DPP10: variants seen among roughly 807,000 people sequenced by gnomAD.
DPP10 encodes dipeptidyl peptidase like 10, also known as inactive dipeptidyl peptidase 10.
DPP10 carries 33 observed loss-of-function variants against 120.9 expected under a neutral mutation model. The ratio of observed to expected loss-of-function variants is 0.27; its 90% CI spans 0.21 to 0.37. DPP10 has a LOEUF of 0.37. DPP10 is among the 10% of genes least tolerant of loss of function. DPP10 has a pLI of 1.00. For missense variants in DPP10, 816 were observed against 942.8 expected, an observed-to-expected ratio of 0.87 and a Z score of 1.76; for synonymous variants, 337 against 326.1, an observed-to-expected ratio of 1.03 and a Z score of -0.36.
At chr2:115,251,799 G>T (rs959834328) in intron 1 of DPP10, among the ~76,000 whole-genome samples, 2 of 152,124 alleles carry the variant, frequency 1.3e-5, no homozygotes, top group Non-Finnish European at 2.9e-5. Context: ...CCTTCAGAGT[G>T]GTTACAATGT....
At chr2:114,882,510 G>A (rs990449318) in intron 1 of DPP10, among the ~76,000 whole-genome samples, 1 of 147,974 alleles carries the variant, frequency 6.8e-6, no homozygotes, top group African/African-American at 2.5e-5. Context: ...TATGGAAGAA[G>A]AAGAAAGGTG....
At chr2:115,184,211 G>T (rs1266617345) in intron 1 of DPP10, among the ~76,000 whole-genome samples, 1 of 152,120 alleles carries the variant, frequency 6.6e-6, no homozygotes, top group Non-Finnish European at 1.5e-5. Context: ...AAAACAGTTA[G>T]TATTTTAAAC....
intron 1 of DPP10, among the ~76,000 whole-genome samples, chr2:114,587,976 A>T (rs1247639769): frequency 6.6e-6 from 1 of 152,252 alleles, no homozygotes; most frequent in African/African-American, 2.4e-5. Context: ...ATGAAGCAAC[A>T]TTTACTGCAA....
chr2:114,899,079 C>A (rs1395432486), intron 1 of DPP10, among the ~76,000 whole-genome samples: 1 of 150,548 alleles, frequency 6.6e-6, no homozygotes, highest in Admixed American at 6.6e-5. Flanking sequence ...TTTTTTCTTT[C>A]CAAGTATCTG....
At chr2:114,829,886 G>A (rs563713579) in intron 1 of DPP10, among the ~76,000 whole-genome samples, 1 of 151,968 alleles carries the variant, frequency 6.6e-6, no homozygotes, top group African/African-American at 2.4e-5. Flanking sequence ...AACCCGTGTC[G>A]TCTCTTTTTC....
At chr2:115,513,944 G>A (rs72826445) in intron 4 of DPP10, among the ~76,000 whole-genome samples, 576 of 152,012 alleles carry the variant, frequency 3.8e-3, no homozygotes, top group Non-Finnish European at 5.7e-3. Flanking sequence ...TCCTTAGAGC[G>A]GGGCTAAAAG....
At chr2:115,455,951 G>A (rs180947751) in intron 3 of DPP10, among the ~76,000 whole-genome samples, 33 of 152,074 alleles carry the variant, frequency 2.2e-4, no homozygotes, top group African/African-American at 7.2e-4. Context: ...GGCAACAAAA[G>A]CCACAATTGA....
intron 1 of DPP10, among the ~76,000 whole-genome samples, chr2:115,187,019 CTTTTTTTTTTTTT>C (rs147014349): frequency 1.4e-3 from 91 of 63,172 alleles, no homozygotes; most frequent in African/African-American, 1.8e-3. Flanking sequence ...TGCAAAGATT[CTTTTTTTTTTTTT>C]TTTTTTTTTT....
chr2:115,303,970 T>C (rs2061254951), intron 1 of DPP10, among the ~76,000 whole-genome samples: 1 of 152,084 alleles, frequency 6.6e-6, no homozygotes, highest in Non-Finnish European at 1.5e-5. Flanking sequence ...TCTTAAATGC[T>C]GTTTCTTTAA....
chr2:114,696,338 A>T (rs1410421788), intron 1 of DPP10, among the ~76,000 whole-genome samples: 2 of 152,090 alleles, frequency 1.3e-5, no homozygotes, highest in Non-Finnish European at 2.9e-5. Context: ...GGAAAATCTT[A>T]TACAAGTTTA....
intron 3 of DPP10, among the ~76,000 whole-genome samples, chr2:115,362,764 T>C (rs2064862634): frequency 6.6e-6 from 1 of 152,238 alleles, no homozygotes. Context: ...AGGAAACCAG[T>C]TGATACATTG....
At chr2:115,588,072 A>G (rs1265936639) in intron 5 of DPP10, among the ~76,000 whole-genome samples, 3 of 152,202 alleles carry the variant, frequency 2.0e-5, no homozygotes, top group Admixed American at 6.5e-5. Flanking sequence ...GACCTTTTCC[A>G]TAATGCTTTT....
chr2:115,006,008 C>G (rs1243118086), intron 1 of DPP10, among the ~76,000 whole-genome samples: 1 of 152,104 alleles, frequency 6.6e-6, no homozygotes, highest in Non-Finnish European at 1.5e-5. Context: ...ATCAGACTAA[C>G]AGTGGATCTC....
intron 3 of DPP10, among the ~76,000 whole-genome samples, chr2:115,431,150 G>A (rs893761588): frequency 2.4e-4 from 36 of 152,324 alleles, no homozygotes; most frequent in African/African-American, 8.2e-4. Flanking sequence ...AAAGCGAAGG[G>A]ATCCAGGAAT....
At chr2:115,207,134 A>T (rs1008292890) in intron 1 of DPP10, among the ~76,000 whole-genome samples, 1 of 152,202 alleles carries the variant, frequency 6.6e-6, no homozygotes, top group Non-Finnish European at 1.5e-5. Context: ...TACACTTCCC[A>T]GATACCAGCT....
At chr2:114,611,356 A>G (rs1407215817) in intron 1 of DPP10, among the ~76,000 whole-genome samples, 1 of 152,194 alleles carries the variant, frequency 6.6e-6, no homozygotes, top group African/African-American at 2.4e-5. Flanking sequence ...CTTCCTTTGT[A>G]GTGTTTATTT....
At chr2:115,797,774 G>A (rs1006602301) in intron 19 of DPP10, among the ~76,000 whole-genome samples, 8 of 151,864 alleles carry the variant, frequency 5.3e-5, no homozygotes, top group African/African-American at 1.9e-4. Flanking sequence ...CATCTTAAAT[G>A]TCAGCATTAA....
intron 1 of DPP10, among the ~76,000 whole-genome samples, chr2:115,301,830 C>T (rs1404113288): frequency 6.6e-6 from 1 of 152,026 alleles, no homozygotes; most frequent in South Asian, 2.1e-4. Flanking sequence ...ACCTCTAAAT[C>T]GTGATGCTAA....
intron 1 of DPP10, among the ~76,000 whole-genome samples, chr2:114,460,928 C>T (rs1360433248): frequency 1.3e-5 from 2 of 152,156 alleles, no homozygotes; most frequent in African/African-American, 4.8e-5. Flanking sequence ...ATAACTGCCA[C>T]ATTCATGGCA....
Sources: allele counts gnomAD v4.1 joint callset (sites outside exome capture counted in the v4.1 genomes callset), GRCh38; gene constraint gnomAD v4.1.1; transcripts MANE v1.5; gene names NCBI Gene and HGNC (gene_info 2026-07-23, HGNC 2026-07-21).